Variants in CEP70 observed in about 807,000 individuals in gnomAD.
CEP70 encodes the protein centrosomal protein 70, also known as centrosomal protein of 70 kDa.
CEP70 carries 70 observed loss-of-function variants against 90.9 expected under a neutral mutation model. The ratio of observed to expected loss-of-function variants is 0.77; its 90% CI spans 0.64 to 0.94. The LOEUF is 0.94. CEP70 is among the 40% of genes least tolerant of loss of function. The pLI, the probability that CEP70 is intolerant of heterozygous loss-of-function variation, is 0.00. For synonymous variants in CEP70, 220 were observed against 228.3 expected (o/e 0.96, Z 0.33); for missense variants, 648 against 669.0 (o/e 0.97, Z 0.35).
At position 138,529,406 on chromosome 3, in the gene CEP70, T is replaced by C. The variant is rs768410016; in HGVS notation, c.749A>G (p.Asp250Gly). The change falls in exon 9 of 18, where the codon GAT (aspartate) becomes GGT (glycine). Residue 250 changes from aspartate (D) to glycine (G), a missense_variant. Asp to Gly is a moderately conservative substitution (Grantham distance 94). Coordinates refer to ENST00000264982, the MANE Select transcript of CEP70 (RefSeq NM_024491.4). ...SEEENDYRNL[D>G]ASPTYKGLLM... is the part of the protein sequence containing the mutation. ...AAGGCCTTTATAAGTTGGTGAGGCATCCAGATTTCTGTAGTCGTTTTCTTC... is the reference window on the plus strand; with the variant it reads ...AAGGCCTTTATAAGTTGGTGAGGCACCCAGATTTCTGTAGTCGTTTTCTTC... The C allele has an allele frequency of 6.2e-7, 1 of 1,611,676 alleles. No individual in the cohort carries two copies. Among genetic ancestry groups the C allele is most frequent in the East Asian group, 2.2e-5 (1 of 44,826 alleles).
At chr3:138,531,278 CTACAAG>C (rs879734685) in intron 8 of CEP70, among the ~76,000 whole-genome samples, 3 of 152,060 alleles carry the variant, frequency 2.0e-5, no homozygotes, top group Admixed American at 2.0e-4. Context: ...TTGCAGAACT[CTACAAG>C]TACCTCTCAC....
intron 7 of CEP70, among the ~76,000 whole-genome samples, chr3:138,533,235 C>T (rs529208828): frequency 1.2e-4 from 18 of 150,254 alleles, no homozygotes; most frequent in Non-Finnish European, 2.4e-4. Context: ...GAGTCAAGAG[C>T]GCACCACTGC....
At chr3:138,541,144 C>T (rs1457383323) in intron 6 of CEP70, among the ~76,000 whole-genome samples, 2 of 152,142 alleles carry the variant, frequency 1.3e-5, no homozygotes, top group African/African-American at 2.4e-5. Flanking sequence ...GGCTTAATGC[C>T]TGGGTGATGA....
rs558146747 is a variant in CEP70 at position 138,520,587 on chromosome 3, G to C, written c.944+4903C>G. Among the ~76,000 whole-genome samples, 5 of 152,086 alleles carry C rather than the reference G, an allele frequency of 3.3e-5. No homozygotes were observed. The South Asian group carries it at 8.3e-4, about 25-fold the overall frequency. On this transcript the variant is annotated intron_variant, in intron 11 of 17. Transcript: ENST00000264982. ...ACAACCTGCTCCTGAATGACTACTG[G>C]GTACATAACAAAATGAAGGCAGAAA...
chr3:138,568,601 T>C (rs999805316), intron 6 of CEP70, among the ~76,000 whole-genome samples: 4 of 152,086 alleles, frequency 2.6e-5, no homozygotes, highest in African/African-American at 9.7e-5. Context: ...TCAAAACCAA[T>C]GCATATAGAA....
chr3:138,500,337 CTTT>C, intron 15 of CEP70, 59 bp downstream of exon 15: 1 of 1,524,660 alleles, frequency 6.6e-7, no homozygotes, highest in Non-Finnish European at 8.8e-7. Context: ...TTTTAATCTA[CTTT>C]TTGTTAATTT....
At chr3:138,586,228 G>T (rs922295192) in intron 2 of CEP70, among the ~76,000 whole-genome samples, 11 of 152,124 alleles carry the variant, frequency 7.2e-5, no homozygotes, top group South Asian at 6.2e-4. Context: ...CACAATCTCG[G>T]CTCACTGCAA....
At chr3:138,529,168 A>G (rs75714254) in intron 10 of CEP70, 31 bp downstream of exon 10, 4 of 429,394 alleles carry the variant, frequency 9.3e-6, no homozygotes, top group Non-Finnish European at 1.4e-5. Flanking sequence ...CTGTCTCAGG[A>G]AAAAAAAAAA....
At chr3:138,546,939 AG>A (rs1055861442) in intron 6 of CEP70, among the ~76,000 whole-genome samples, 12 of 152,186 alleles carry the variant, frequency 7.9e-5, no homozygotes, top group African/African-American at 2.4e-4. Context: ...ATGTTTGCTG[AG>A]ACTTAGCAAC....
rs146876109 is a variant in CEP70 at position 138,535,528 on chromosome 3, C to T, written c.635+1650G>A. Among the ~76,000 whole-genome samples, 1,328 of 152,268 alleles carry T rather than the reference C, an allele frequency of 8.7e-3. 16 individuals carry two copies. Among genetic ancestry groups the T allele is most frequent in the Non-Finnish European group, 0.01 (681 of 68,020 alleles). ...GTGCCCTATTACTTAGCCCAGTACC[C>T]GTGTAACTTTTAATAATATCTGTAG... On this transcript the variant is annotated intron_variant, in intron 7 of 17. Transcript: ENST00000264982.
intron 7 of CEP70, among the ~76,000 whole-genome samples, chr3:138,532,842 C>T (rs1378226915): frequency 6.6e-6 from 1 of 152,172 alleles, no homozygotes; most frequent in East Asian, 1.9e-4. Context: ...CTACCTCTAG[C>T]AATATCTCCC....
In CEP70 at chr3:138,572,891, G is replaced by A. The variant is rs1425840423; in HGVS notation, c.37C>T (p.Gln13Ter). ...TCAGTCATGAGTCTGTCTGATGGTT[G>A]ACTGGAATCCTGGGGTTTAGGGGCT... ...PVAPKPQDSS[Q>*]PSDRLMTEKQ... Residue 13 changes from glutamine to a stop codon, truncating the protein, a stop_gained, in exon 3 of 18, where the codon CAA becomes TAA. Coordinates refer to ENST00000264982, the MANE Select transcript of CEP70 (RefSeq NM_024491.4). LOFTEE classifies it high-confidence loss of function. The A allele has an allele frequency of 5.6e-6, 9 of 1,610,460 alleles. No homozygotes were observed. The highest frequency in any genetic ancestry group is 7.6e-6 in the Non-Finnish European group (9 of 1,177,374).
In CEP70 at chr3:138,495,803, G is replaced by T. The variant is rs1273540902; in HGVS notation, c.1733-727C>A. ...AGAGGCAGAGGTTGCAGTGAGCTGA[G>T]ATTGCGTCACTGCACTCTGGCCTGG... is the stretch of plus-strand genomic sequence containing the variant. On this transcript the variant is annotated intron_variant, in intron 17 of 17. Transcript: ENST00000264982. 7.4e-6 allele frequency: 6 copies of T among 814,982 alleles called. No individual in the cohort carries two copies. In the African/African-American group the frequency reaches 1.1e-4, roughly 15 times the overall value. The allele number at this position is 814,982 out of a possible 1,614,324, so 50.5% of individuals were successfully genotyped here. A position where few individuals can be genotyped will look rare whatever the true frequency, so the allele number is the denominator to read the frequency against.
Position 138,589,100 on chromosome 3 carries a change from T to C in CEP70, c.-6+2754A>G, listed in dbSNP as rs188358024. ...GACTACTAACGAGAACAAGGGAATT[T>C]GGGGGGATGATGGATATATTGACAA... On this transcript the variant is annotated intron_variant, in intron 2 of 17. Transcript: ENST00000264982. Among the ~76,000 whole-genome samples the C allele has an allele frequency of 1.8e-4, 28 of 152,196 alleles. No individual in the cohort carries two copies. The East Asian group carries it at 5.0e-3, about 27-fold the overall frequency.
chr3:138,563,080 A>C (rs538186621), intron 6 of CEP70, among the ~76,000 whole-genome samples: 9 of 152,294 alleles, frequency 5.9e-5, no homozygotes, highest in Admixed American at 5.9e-4. Context: ...AACAGACTTT[A>C]AACCAACAAA....
intron 13 of CEP70, among the ~76,000 whole-genome samples, chr3:138,503,656 C>A (rs1364117851): frequency 6.6e-6 from 1 of 152,152 alleles, no homozygotes; most frequent in Non-Finnish European, 1.5e-5. Flanking sequence ...TTAATAATTT[C>A]TTCTTGGGTG....
At chr3:138,509,702 T>G (rs1281227367) in intron 11 of CEP70, among the ~76,000 whole-genome samples, 1 of 152,172 alleles carries the variant, frequency 6.6e-6, no homozygotes, top group Non-Finnish European at 1.5e-5. Flanking sequence ...TTATTTTTTT[T>G]TAATGCTCAC....
rs372023554 is a variant in CEP70 at position 138,516,666 on chromosome 3, G to A, written c.945-8122C>T. Among the ~76,000 whole-genome samples, 6 of 152,250 alleles carry A rather than the reference G, an allele frequency of 3.9e-5. No homozygotes were observed. The East Asian group carries it at 5.8e-4, about 15-fold the overall frequency. ...CTCCCAAAGTGCTGGGATTACAGGC[G>A]TGAGCCACTGCACCTGGCCCCTATT... On this transcript the variant is annotated intron_variant, in intron 11 of 17. Transcript: ENST00000264982.
intron 11 of CEP70, among the ~76,000 whole-genome samples, chr3:138,509,613 A>C (rs1213871111): frequency 1.3e-5 from 2 of 152,174 alleles, no homozygotes; most frequent in African/African-American, 4.8e-5. Context: ...TTCATTTTCC[A>C]TGGTTTTAGT....
Sources: allele counts gnomAD v4.1 joint callset (sites outside exome capture counted in the v4.1 genomes callset), GRCh38; gene constraint gnomAD v4.1.1; transcripts MANE v1.5; gene names NCBI Gene and HGNC (gene_info 2026-07-23, HGNC 2026-07-21).